The following CD247 variants were observed in gnomAD, a reference collection of about 807,000 sequenced individuals.
The protein encoded by CD247 is CD247 molecule.
A neutral mutation model predicts 30.0 loss-of-function variants in CD247; 13 were observed. That is an observed-to-expected ratio of 0.43 (90% confidence interval 0.28 to 0.69). The LOEUF (loss-of-function observed/expected upper bound fraction) is 0.69. CD247 is among the 30% of genes least tolerant of loss of function. The probability of loss-of-function intolerance (pLI) is 0.16; values close to 1 mark genes in which losing one functional copy is unlikely to be tolerated. For missense variants in CD247, 193 were observed against 212.6 expected (o/e 0.91, Z 0.57); for synonymous variants, 72 against 80.0 (o/e 0.90, Z 0.53).
At chr1:167,438,230 T>G (rs1651639040) in intron 4 of CD247, among the ~76,000 whole-genome samples, 1 of 152,164 alleles carries the variant, frequency 6.6e-6, no homozygotes, top group African/African-American at 2.4e-5. Context: ...GCCCTTCCTG[T>G]ATGGACCTCT....
chr1:167,460,974 T>C (rs748151159), intron 1 of CD247, among the ~76,000 whole-genome samples: 1 of 152,246 alleles, frequency 6.6e-6, no homozygotes, highest in Non-Finnish European at 1.5e-5. Context: ...TGTTTGTCAG[T>C]TTGGCAACCC....
intron 4 of CD247, among the ~76,000 whole-genome samples, chr1:167,435,991 G>T (rs183373067): frequency 6.6e-6 from 1 of 152,220 alleles, no homozygotes; most frequent in Non-Finnish European, 1.5e-5. Flanking sequence ...ATGGACAGGC[G>T]TGACCACTGG....
intron 1 of CD247, among the ~76,000 whole-genome samples, chr1:167,493,374 T>C (rs535719608): frequency 6.6e-6 from 1 of 152,230 alleles, no homozygotes; most frequent in Admixed American, 6.5e-5. Context: ...TCTTCCTTTT[T>C]CCTTCTCCAT....
intron 1 of CD247, among the ~76,000 whole-genome samples, chr1:167,479,189 C>G (rs560133601): frequency 6.6e-6 from 1 of 152,102 alleles, no homozygotes; most frequent in South Asian, 2.1e-4. Context: ...GAAAGTAGCA[C>G]GTGAAAATGC....
chr1:167,446,731 C>T (rs1571523133), intron 1 of CD247, among the ~76,000 whole-genome samples: 1 of 152,190 alleles, frequency 6.6e-6, no homozygotes, highest in Non-Finnish European at 1.5e-5. Context: ...CGGTGGCTCA[C>T]GCCTATAATC....
At chr1:167,507,967 T>A (rs778003017) in intron 1 of CD247, among the ~76,000 whole-genome samples, 9 of 152,114 alleles carry the variant, frequency 5.9e-5, no homozygotes, top group Non-Finnish European at 8.8e-5. Flanking sequence ...AGGAATTAGG[T>A]CAGCTTCAAG....
Position 167,430,892 on chromosome 1 carries a change from G to A in CD247, c.*789C>T. The A allele has an allele frequency of 2.5e-6, 1 of 398,836 alleles. No individual in the cohort carries two copies. The highest frequency in any genetic ancestry group is 4.4e-6 in the Non-Finnish European group (1 of 226,204). The allele number at this position is 398,836 out of a possible 1,614,324, so 24.7% of individuals were successfully genotyped here. On this transcript the variant is annotated 3_prime_UTR_variant, in exon 8 of 8. Transcript: ENST00000362089. ...AAGATGATTTTGTCATTCGCTGAAA[G>A]CGTGAAGTGAATCAACGGCCTCCTC...
At chr1:167,474,911 C>G (rs1308294234) in intron 1 of CD247, among the ~76,000 whole-genome samples, 1 of 151,832 alleles carries the variant, frequency 6.6e-6, no homozygotes, top group African/African-American at 2.4e-5. Context: ...CACCACCATG[C>G]CCGGGTAATT....
chr1:167,437,073 G>A (rs1236746481), intron 4 of CD247, among the ~76,000 whole-genome samples: 18 of 152,032 alleles, frequency 1.2e-4, no homozygotes, highest in Non-Finnish European at 1.5e-5. Flanking sequence ...CTGGGCGCGG[G>A]GGCTTACACC....
intron 1 of CD247, among the ~76,000 whole-genome samples, chr1:167,505,293 G>T (rs979386172): frequency 6.6e-6 from 1 of 152,016 alleles, no homozygotes; most frequent in Non-Finnish European, 1.5e-5. Context: ...TTGAGATACG[G>T]TTTACATACC....
rs34050825 is a variant in CD247 at position 167,476,873 on chromosome 1, T to C, written c.59-36106A>G. On this transcript the variant is annotated intron_variant, in intron 1 of 7. Coordinates refer to ENST00000362089, the MANE Select transcript of CD247 (RefSeq NM_198053.3). ...TCAGGTTCATTCTAAGGGCTTTCTA[T>C]GCATTATCTCATTTGATTCTCATAA... 5.7e-3 allele frequency among the ~76,000 whole-genome samples: 866 copies of C among 152,348 alleles called. 10 individuals are homozygous for C. The highest frequency in any genetic ancestry group is 0.02 in the African/African-American group (824 of 41,568).
chr1:167,453,858 G>A (rs1459379600), intron 1 of CD247, among the ~76,000 whole-genome samples: 3 of 152,084 alleles, frequency 2.0e-5, no homozygotes, highest in African/African-American at 7.2e-5. Flanking sequence ...CCCCTCCTCC[G>A]GAGGCTTAGG....
intron 1 of CD247, among the ~76,000 whole-genome samples, chr1:167,513,435 G>A (rs1473887420): frequency 1.3e-5 from 2 of 152,114 alleles, no homozygotes; most frequent in South Asian, 2.1e-4. Context: ...TTTAACTTCC[G>A]TCAGTGATTT....
At chr1:167,502,692 A>T (rs1453540908) in intron 1 of CD247, among the ~76,000 whole-genome samples, 3 of 152,206 alleles carry the variant, frequency 2.0e-5, no homozygotes, top group Non-Finnish European at 4.4e-5. Flanking sequence ...GGTGGGCTCT[A>T]ATCCAATATG....
intron 1 of CD247, among the ~76,000 whole-genome samples, chr1:167,451,657 C>A (rs914973083): frequency 6.6e-6 from 1 of 152,218 alleles, no homozygotes; most frequent in Non-Finnish European, 1.5e-5. Context: ...CTGTTATGGG[C>A]TGAATTTTGC....
At chr1:167,441,905 G>A (rs1450387157) in intron 1 of CD247, among the ~76,000 whole-genome samples, 1 of 152,216 alleles carries the variant, frequency 6.6e-6, no homozygotes, top group African/African-American at 2.4e-5. Context: ...GAGGTCAGGA[G>A]TTCAAGTCCA....
rs1320617862 is a variant in CD247, at chr1:167,442,376, G to A, written c.59-1609C>T. Among the ~76,000 whole-genome samples, 4 of 152,196 alleles carry A rather than the reference G, an allele frequency of 2.6e-5. No homozygotes were observed. In the East Asian group the frequency reaches 7.7e-4, roughly 29 times the overall value. On this transcript the variant is annotated intron_variant, in intron 1 of 7. Coordinates refer to ENST00000362089, the MANE Select transcript of CD247 (RefSeq NM_198053.3). The stretch of plus-strand genomic sequence containing the variant: ...CCAGATGAGGGCAGAGGGAGTGGAG[G>A]CCATATGTGGGAGTGCTGTCATTCT...
intron 1 of CD247, among the ~76,000 whole-genome samples, chr1:167,499,691 A>G (rs1002621349): frequency 6.6e-6 from 1 of 152,082 alleles, no homozygotes; most frequent in Non-Finnish European, 1.5e-5. Context: ...AAGGTTACTC[A>G]CCCCACTCCT....
At chr1:167,453,928 C>T (rs916920397) in intron 1 of CD247, among the ~76,000 whole-genome samples, 27 of 152,106 alleles carry the variant, frequency 1.8e-4, no homozygotes, top group African/African-American at 5.8e-4. Context: ...CATGCCACTA[C>T]CCTCCATCCT....
Sources: allele counts gnomAD v4.1 joint callset (sites outside exome capture counted in the v4.1 genomes callset), GRCh38; gene constraint gnomAD v4.1.1; transcripts MANE v1.5; gene names NCBI Gene and HGNC (gene_info 2026-07-23, HGNC 2026-07-21).